GABRA2: variants seen among roughly 807,000 people sequenced by gnomAD.
GABRA2 encodes the protein gamma-aminobutyric acid type A receptor subunit alpha2.
A neutral mutation model predicts 48.7 loss-of-function variants in GABRA2; 16 were observed. The ratio of observed to expected loss-of-function variants is 0.33; its 90% CI spans 0.22 to 0.50. The LOEUF (loss-of-function observed/expected upper bound fraction) is 0.50. GABRA2 is among the 20% of genes least tolerant of loss of function. The pLI, the probability that GABRA2 is intolerant of heterozygous loss-of-function variation, is 0.98. For missense variants in GABRA2, 275 were observed against 535.6 expected (o/e 0.51, Z 4.80); for synonymous variants, 185 against 184.5 (o/e 1.00, Z -0.02).
intron 8 of GABRA2, among the ~76,000 whole-genome samples, chr4:46,275,944 CAA>C (rs2109431596): frequency 6.6e-6 from 1 of 152,044 alleles, no homozygotes; most frequent in South Asian, 2.1e-4. Context: ...AAAATGCACT[CAA>C]AATTTGGCTG....
At chr4:46,267,330 T>C (rs1337762641) in intron 8 of GABRA2, among the ~76,000 whole-genome samples, 1 of 152,096 alleles carries the variant, frequency 6.6e-6, no homozygotes, top group Non-Finnish European at 1.5e-5. Flanking sequence ...TATCATTTTA[T>C]TGGTAAAGTG....
intron 7 of GABRA2, among the ~76,000 whole-genome samples, chr4:46,305,274 G>A (rs1375727511): frequency 1.1e-5 from 1 of 91,936 alleles, no homozygotes; most frequent in African/African-American, 4.3e-5. Context: ...GGGGTGGGGG[G>A]AGGGGGGAGG....
Position 46,247,101 on chromosome 4 carries a change from G to A in GABRA2, c.*3207C>T, listed in dbSNP as rs1169268513. On this transcript the variant is annotated 3_prime_UTR_variant, in exon 10 of 10. Coordinates refer to ENST00000381620, the MANE Select transcript of GABRA2 (RefSeq NM_000807.4). ...TTTAAGAAAAAAAATTTAGAAACATGGCTCAAGGGGATCACTTATCCAAAC... is the reference window on the plus strand; with the variant it reads ...TTTAAGAAAAAAAATTTAGAAACATAGCTCAAGGGGATCACTTATCCAAAC... Among the ~76,000 whole-genome samples the A allele has an allele frequency of 2.6e-5, 4 of 150,992 alleles. No homozygotes were observed. Among genetic ancestry groups the A allele is most frequent in the Admixed American group, 2.0e-4 (3 of 15,094 alleles).
chr4:46,310,639 A>C (rs2109678715), intron 5 of GABRA2, among the ~76,000 whole-genome samples: 1 of 152,278 alleles, frequency 6.6e-6, no homozygotes, highest in East Asian at 1.9e-4. Context: ...CAACAAACAC[A>C]GAGCAAAATT....
intron 3 of GABRA2, among the ~76,000 whole-genome samples, chr4:46,362,985 A>G (rs1002643755): frequency 1.2e-4 from 18 of 152,170 alleles, no homozygotes; most frequent in Non-Finnish European, 2.5e-4. Context: ...TATAATTCAA[A>G]TCTTTCCTAT....
At chr4:46,296,607 A>G (rs897488066) in intron 8 of GABRA2, among the ~76,000 whole-genome samples, 2 of 148,222 alleles carry the variant, frequency 1.3e-5, no homozygotes, top group African/African-American at 4.9e-5. Context: ...CAGGACTACA[A>G]ATGGCCCAGC....
At chr4:46,293,569 G>T (rs1724077008) in intron 8 of GABRA2, among the ~76,000 whole-genome samples, 1 of 152,140 alleles carries the variant, frequency 6.6e-6, no homozygotes, top group Non-Finnish European at 1.5e-5. Flanking sequence ...GTCCAGTCAG[G>T]CCCTGGACTC....
intron 3 of GABRA2, among the ~76,000 whole-genome samples, chr4:46,360,163 T>C (rs892095272): frequency 1.1e-4 from 17 of 152,210 alleles, no homozygotes; most frequent in African/African-American, 3.9e-4. Context: ...GTGGTGATGG[T>C]ATCACAGGTA....
At chr4:46,284,502 G>A (rs1161523598) in intron 8 of GABRA2, among the ~76,000 whole-genome samples, 1 of 152,160 alleles carries the variant, frequency 6.6e-6, no homozygotes, top group Non-Finnish European at 1.5e-5. Flanking sequence ...GATAAACAGA[G>A]AATATGAAAG....
At chr4:46,278,657 T>C (rs1270985968) in intron 8 of GABRA2, among the ~76,000 whole-genome samples, 1 of 152,166 alleles carries the variant, frequency 6.6e-6, no homozygotes, top group Non-Finnish European at 1.5e-5. Context: ...TCTGATCACA[T>C]ACAATATATA....
intron 3 of GABRA2, among the ~76,000 whole-genome samples, chr4:46,359,645 T>G (rs1712830357): frequency 6.6e-6 from 1 of 152,170 alleles, no homozygotes. Flanking sequence ...ATTTTTATAT[T>G]ACAATGCAAA....
At position 46,294,904 on chromosome 4, in the gene GABRA2, G is replaced by A. The variant is rs548257918; in HGVS notation, c.856+8556C>T. On this transcript the variant is annotated intron_variant, in intron 8 of 9. Coordinates refer to ENST00000381620, the MANE Select transcript of GABRA2 (RefSeq NM_000807.4). ...AACTGGGTCATGCACAGCAGCACTC[G>A]ATCATCAAATGGAAGTGATATGCAT... Among the ~76,000 whole-genome samples the A allele has an allele frequency of 6.4e-4, 97 of 152,282 alleles. 2 individuals are homozygous for A. The highest frequency in any genetic ancestry group is 2.2e-3 in the Admixed American group (33 of 15,304).
intron 8 of GABRA2, among the ~76,000 whole-genome samples, chr4:46,268,517 C>G (rs1718689659): frequency 6.6e-6 from 1 of 151,832 alleles, no homozygotes; most frequent in Non-Finnish European, 1.5e-5. Flanking sequence ...TTTAGAATGG[C>G]TGTTATCAAA....
intron 4 of GABRA2, among the ~76,000 whole-genome samples, chr4:46,321,498 A>T (rs566324876): frequency 3.3e-5 from 5 of 152,158 alleles, no homozygotes; most frequent in African/African-American, 9.6e-5. Flanking sequence ...TCTTTTCACA[A>T]TTAAAACTAA....
At chr4:46,365,950 T>G (rs1050753622) in intron 3 of GABRA2, 11 of 152,256 alleles carry the variant, frequency 7.2e-5, no homozygotes, top group Admixed American at 2.0e-4. Context: ...TACTTCAATA[T>G]CACTTATAAT....
chr4:46,291,909 G>A (rs1192743085), intron 8 of GABRA2, among the ~76,000 whole-genome samples: 1 of 151,754 alleles, frequency 6.6e-6, no homozygotes, highest in Non-Finnish European at 1.5e-5. Flanking sequence ...GAATATTAAG[G>A]ATGCAGTTCT....
intron 8 of GABRA2, among the ~76,000 whole-genome samples, chr4:46,291,774 C>CATATATATATATATATAT (rs1415105864): frequency 9.3e-6 from 1 of 107,872 alleles, no homozygotes; most frequent in Non-Finnish European, 2.1e-5. Context: ...AATAAACACA[C>CATATATATATATATATAT]ACATATATAT....
In GABRA2 at chr4:46,390,057, G is replaced by C. The variant is rs1278668254; in HGVS notation, c.-333C>G. On this transcript the variant is annotated 5_prime_UTR_variant, in exon 1 of 10. Transcript: ENST00000381620. ...AAAACGATGACAGGAGCTGGGGCCG[G>C]GGGGGGAAATTGGGGGGACGCGGGC... 82 of 340,110 alleles carry C rather than the reference G, an allele frequency of 2.4e-4. 4 individuals carry two copies. The South Asian group carries it at 4.4e-3, about 18-fold the overall frequency. The allele number at this position is 340,110 out of a possible 1,614,324, so 21.1% of individuals were successfully genotyped here. A position where few individuals can be genotyped will look rare whatever the true frequency, so the allele number is the denominator to read the frequency against.
In GABRA2 at chr4:46,246,749, TAATA is replaced by T. The variant is rs1560417867; in HGVS notation, c.*3555_*3558del. Among the ~76,000 whole-genome samples the T allele has an allele frequency of 6.6e-6, 1 of 151,176 alleles. No individual in the cohort carries two copies. The highest frequency in any genetic ancestry group is 2.4e-5 in the African/African-American group (1 of 41,346). On this transcript the variant is annotated 3_prime_UTR_variant, in exon 10 of 10. Transcript: ENST00000381620. The stretch of plus-strand genomic sequence containing the variant: ...ACATAACCTCATATTTCCAAGTAAA[TAATA>T]AATATGTCTGTGTTTCACAGACATG...
Sources: gnomAD v4.1 joint callset for allele counts (sites outside exome capture counted in the v4.1 genomes callset) on GRCh38, gnomAD v4.1.1 for gene constraint, MANE v1.5 for transcripts, NCBI Gene and HGNC (gene_info 2026-07-23, HGNC 2026-07-21) for gene names.